Variants in DCBLD1 observed in about 807,000 individuals in gnomAD.
The protein encoded by DCBLD1 is discoidin, CUB and LCCL domain-containing protein 1.
A neutral mutation model predicts 71.5 loss-of-function variants in DCBLD1; 57 were observed. That is an observed-to-expected ratio of 0.80 (90% CI 0.64 to 0.99). DCBLD1 has a LOEUF of 0.99. Ranked by LOEUF, DCBLD1 falls within the 50% of genes least tolerant of loss-of-function variation. The pLI is 0.00. For synonymous variants in DCBLD1, 380 were observed against 363.8 expected, an observed-to-expected ratio of 1.04 and a Z score of -0.51; for missense variants, 891 against 923.5, an observed-to-expected ratio of 0.96 and a Z score of 0.46.
downstream of DCBLD1, among the ~76,000 whole-genome samples, chr6:117,553,504 C>G (rs1466086724): frequency 6.6e-6 from 1 of 152,186 alleles, no homozygotes; most frequent in African/African-American, 2.4e-5. Flanking sequence ...TTCCTCAAAT[C>G]TCTCCCAAGT....
At chr6:117,545,647 G>GT (rs1562124837) in intron 14 of DCBLD1, 50 bp downstream of exon 14, 1 of 1,578,162 alleles carries the variant, frequency 6.3e-7, no homozygotes, top group East Asian at 2.3e-5. Context: ...GGTGCTGCTT[G>GT]TGGGGGAGGG....
At chr6:117,559,576 C>T (rs1290874789) in intron 14 of DCBLD1, among the ~76,000 whole-genome samples, 4 of 152,160 alleles carry the variant, frequency 2.6e-5, no homozygotes, top group Non-Finnish European at 4.4e-5. Context: ...CCCTCCTGCA[C>T]GAGAACTGAC....
At chr6:117,569,768 A>G (rs1779770466) in exon 15 of DCBLD1, 2 of 1,541,112 alleles carry the variant, frequency 1.3e-6, no homozygotes, top group South Asian at 2.5e-5. Flanking sequence ...AAATTAAAGT[A>G]CTCTTTGTAA....
At chr6:117,531,651 C>T (rs1778723571) in intron 5 of DCBLD1, among the ~76,000 whole-genome samples, 1 of 152,216 alleles carries the variant, frequency 6.6e-6, no homozygotes, top group African/African-American at 2.4e-5. Flanking sequence ...CTCATCATCC[C>T]TCTAGGAACT....
chr6:117,500,710 C>CA (rs1777627253), intron 1 of DCBLD1, among the ~76,000 whole-genome samples: 1 of 152,022 alleles, frequency 6.6e-6, no homozygotes, highest in African/African-American at 2.4e-5. Context: ...ACTAAAAATA[C>CA]AAAAAAATTA....
intron 2 of DCBLD1, among the ~76,000 whole-genome samples, chr6:117,516,285 C>T (rs985879767): frequency 1.3e-5 from 2 of 150,474 alleles, no homozygotes; most frequent in Non-Finnish European, 3.0e-5. Flanking sequence ...GGTGTGAACC[C>T]AGGAGATGGA....
intron 3 of DCBLD1, 112 bp from the exon 4 acceptor site, chr6:117,521,413 A>G (rs906663064): frequency 5.8e-6 from 5 of 854,906 alleles, no homozygotes; most frequent in African/African-American, 3.6e-5. Context: ...TGATAACTAC[A>G]TAGTGAATAA....
chr6:117,500,230 A>G (rs922987079), intron 1 of DCBLD1, among the ~76,000 whole-genome samples: 7 of 152,234 alleles, frequency 4.6e-5, no homozygotes, highest in Non-Finnish European at 8.8e-5. Context: ...TAAACTTATT[A>G]TATTAGTCTT....
In DCBLD1 at chr6:117,540,698, C is replaced by T. The variant is rs150272298; in HGVS notation, c.1132C>T (p.Pro378Ser). Residue 378 changes from proline (P) to serine (S), a missense_variant, in exon 10 of 15, where the codon CCA becomes TCA. Pro to Ser is a moderately conservative substitution (Grantham distance 74). Coordinates refer to ENST00000338728, the MANE Select transcript of DCBLD1 (RefSeq NM_001366458.2). ...TCAGGGTAACTCTAACTTTCGGGAC[C>T]CAGTGCAAAACAATTTCATCCCTCC... ...VFQGNSNFRD[P>S]VQNNFIPPIV... 1.2e-6 allele frequency: 2 copies of T among 1,614,102 alleles called. No individual in the cohort carries two copies. Among genetic ancestry groups the T allele is most frequent in the Middle Eastern group, 1.6e-4 (1 of 6,062 alleles).
At chr6:117,517,070 A>G (rs1238763905) in intron 2 of DCBLD1, among the ~76,000 whole-genome samples, 1 of 152,210 alleles carries the variant, frequency 6.6e-6, no homozygotes, top group Non-Finnish European at 1.5e-5. Flanking sequence ...CATTAACTTA[A>G]AAGTCCACAG....
At chr6:117,559,640 GA>G (rs760073229) in intron 14 of DCBLD1, among the ~76,000 whole-genome samples, 99 of 152,262 alleles carry the variant, frequency 6.5e-4, no homozygotes, top group Non-Finnish European at 1.1e-3. Context: ...AATCACACCT[GA>G]AAAAGGTTCA....
At chr6:117,567,870 C>T (rs901643810) in intron 14 of DCBLD1, among the ~76,000 whole-genome samples, 1 of 151,852 alleles carries the variant, frequency 6.6e-6, no homozygotes, top group African/African-American at 2.4e-5. Flanking sequence ...TACTGTCATT[C>T]TTTAACAATG....
intron 6 of DCBLD1, among the ~76,000 whole-genome samples, chr6:117,534,621 A>G (rs1242195922): frequency 1.3e-5 from 2 of 152,186 alleles, no homozygotes; most frequent in Non-Finnish European, 2.9e-5. Flanking sequence ...ACAGGATAAC[A>G]AAAAGTTTAA....
intron 1 of DCBLD1, chr6:117,485,166 TGATATACATTTTTGTAGAATA>T (rs954407471): frequency 6.6e-6 from 1 of 152,260 alleles, no homozygotes; most frequent in Non-Finnish European, 1.5e-5. Context: ...TTTATTACCT[TGATATACATTTTTGTAGAATA>T]AAATACCCTT....
intron 11 of DCBLD1, among the ~76,000 whole-genome samples, chr6:117,542,567 T>C (rs1403871122): frequency 6.6e-6 from 1 of 152,074 alleles, no homozygotes; most frequent in African/African-American, 2.4e-5. Flanking sequence ...GAAAACATGA[T>C]GTGGTGTTTC....
At chr6:117,553,999 C>T (rs960365723), downstream of DCBLD1, among the ~76,000 whole-genome samples, 1 of 152,154 alleles carries the variant, frequency 6.6e-6, no homozygotes, top group Admixed American at 6.5e-5. Context: ...GTGAAGATTA[C>T]AAGGATTAAT....
At chr6:117,532,099 C>T (rs1268185178) in intron 5 of DCBLD1, among the ~76,000 whole-genome samples, 161 bp from the exon 6 acceptor site, 3 of 152,206 alleles carry the variant, frequency 2.0e-5, no homozygotes, top group Admixed American at 1.3e-4. Flanking sequence ...TCACATGGTC[C>T]AGAGTCAGTG....
chr6:117,537,335 C>T, intron 7 of DCBLD1, 110 bp downstream of exon 7: 3 of 984,796 alleles, frequency 3.0e-6, no homozygotes, highest in Non-Finnish European at 4.7e-6. Context: ...GAGATCGAGA[C>T]CATCCTGGCT....
intron 6 of DCBLD1, among the ~76,000 whole-genome samples, chr6:117,536,977 G>A (rs1026131462): frequency 2.0e-5 from 3 of 152,122 alleles, no homozygotes; most frequent in African/African-American, 7.2e-5. Flanking sequence ...ATGAATTTAG[G>A]AAAGTTGCTT....
Sources: allele counts gnomAD v4.1 joint callset (sites outside exome capture counted in the v4.1 genomes callset), GRCh38; gene constraint gnomAD v4.1.1; transcripts MANE v1.5; gene names NCBI Gene and HGNC (gene_info 2026-07-23, HGNC 2026-07-21).